VWA3B: variants seen among roughly 807,000 people sequenced by gnomAD.
VWA3B encodes von Willebrand factor A domain containing 3B.
In VWA3B, 138 loss-of-function variants were observed where a neutral mutation model predicts 158.3. That is an observed-to-expected ratio of 0.87 (90% CI 0.76 to 1.00). The LOEUF is 1.00. VWA3B is among the 50% of genes least tolerant of loss of function. VWA3B has a pLI of 0.00. For missense variants in VWA3B, 1,555 were observed against 1,565.1 expected (o/e 0.99, Z 0.11); for synonymous variants, 596 against 587.3 (o/e 1.01, Z -0.21).
chr2:98,238,597 T>G (rs1438156752), intron 19 of VWA3B, among the ~76,000 whole-genome samples: 1 of 151,790 alleles, frequency 6.6e-6, no homozygotes, highest in Admixed American at 6.6e-5. Flanking sequence ...TATGGTAGGA[T>G]AGGGAAGCAG....
At position 98,177,680 on chromosome 2, in the gene VWA3B, C is replaced by G. The variant is rs540653899; in HGVS notation, c.1115-3336C>G. Among the ~76,000 whole-genome samples the G allele has an allele frequency of 6.2e-4, 94 of 152,164 alleles. 1 individual carries two copies. Among genetic ancestry groups the G allele is most frequent in the Non-Finnish European group, 1.0e-3 (71 of 68,022 alleles). On this transcript the variant is annotated intron_variant, in intron 8 of 27. Coordinates refer to ENST00000477737, the MANE Select transcript of VWA3B (RefSeq NM_144992.5). ...AGGTGGCTCTGGCGGCTTGCCTGAA[C>G]CCCCTTTTCAGATGGTAATTGGGAG...
chr2:98,247,155 C>T (rs1302953808), intron 19 of VWA3B, among the ~76,000 whole-genome samples: 5 of 151,556 alleles, frequency 3.3e-5, no homozygotes, highest in African/African-American at 1.2e-4. Flanking sequence ...CCGCCACCTC[C>T]CCCAGCTAAT....
chr2:98,294,217 A>C (rs1689663335), intron 23 of VWA3B, among the ~76,000 whole-genome samples: 1 of 151,604 alleles, frequency 6.6e-6, no homozygotes, highest in Admixed American at 6.6e-5. Flanking sequence ...AAAAAAAAAA[A>C]AAAAAAAAAA....
chr2:98,309,119 G>C (rs1036551748), intron 26 of VWA3B, among the ~76,000 whole-genome samples: 6 of 144,324 alleles, frequency 4.2e-5, no homozygotes, highest in African/African-American at 1.6e-4. Context: ...GCCATGAGCC[G>C]AGATCACACC....
chr2:98,284,227 CT>C (rs1320964918), intron 22 of VWA3B, among the ~76,000 whole-genome samples: 2 of 152,326 alleles, frequency 1.3e-5, no homozygotes, highest in East Asian at 3.9e-4. Flanking sequence ...TGTAAGAGAC[CT>C]TAACCCCTCA....
intron 2 of VWA3B, 143 bp downstream of exon 2, chr2:98,093,431 C>A: frequency 1.4e-6 from 1 of 714,084 alleles, no homozygotes; most frequent in Non-Finnish European, 2.3e-6. Flanking sequence ...AATGCTTGCA[C>A]GTGTGCCCCC....
chr2:98,123,617 A>G lies in VWA3B; in HGVS notation c.702+2159A>G, dbSNP rs566288709. On this transcript the variant is annotated intron_variant, in intron 5 of 27. Coordinates refer to ENST00000477737, the MANE Select transcript of VWA3B (RefSeq NM_144992.5). ...AAAGAGCATGATTGATAGATGAATT[A>G]CTGTTGTGTCTCATGAAAAGGAACC... Among the ~76,000 whole-genome samples the G allele has an allele frequency of 6.0e-4, 91 of 152,298 alleles. 1 individual carries two copies. Among genetic ancestry groups the G allele is most frequent in the African/African-American group, 2.0e-3 (82 of 41,576 alleles).
At chr2:98,300,312 T>C (rs1690099213) in intron 25 of VWA3B, 96 bp downstream of exon 25, 1 of 1,512,046 alleles carries the variant, frequency 6.6e-7, no homozygotes. Flanking sequence ...TTTCCCTGGC[T>C]GCATCTGCTG....
intron 7 of VWA3B, among the ~76,000 whole-genome samples, chr2:98,146,774 T>C (rs1014556712): frequency 5.3e-5 from 8 of 152,226 alleles, no homozygotes; most frequent in African/African-American, 1.4e-4. Flanking sequence ...TTTTCCACTC[T>C]CATTTACCCT....
chr2:98,181,598 T>C (rs887516776), intron 9 of VWA3B, among the ~76,000 whole-genome samples: 2 of 152,206 alleles, frequency 1.3e-5, no homozygotes, highest in Admixed American at 6.5e-5. Flanking sequence ...GTGGTCCTCT[T>C]GTATTTTCCC....
At chr2:98,186,151 TC>T (rs1434232112) in intron 9 of VWA3B, among the ~76,000 whole-genome samples, 3 of 123,780 alleles carry the variant, frequency 2.4e-5, no homozygotes, top group Non-Finnish European at 4.8e-5. Context: ...GTTGGTCACT[TC>T]CTTGAATTTT....
At chr2:98,314,142 G>GA (rs1691035915), downstream of VWA3B, among the ~76,000 whole-genome samples, 2 of 152,318 alleles carry the variant, frequency 1.3e-5, no homozygotes, top group African/African-American at 4.8e-5. Flanking sequence ...TAGGGAGGGG[G>GA]AACCCAAACA....
At chr2:98,095,469 T>C (rs1682647411) in intron 2 of VWA3B, among the ~76,000 whole-genome samples, 1 of 152,366 alleles carries the variant, frequency 6.6e-6, no homozygotes, top group East Asian at 1.9e-4. Context: ...GTTGTTAATT[T>C]TGTAGTCTGC....
At chr2:98,108,774 G>A (rs1266989459) in intron 2 of VWA3B, among the ~76,000 whole-genome samples, 1 of 151,358 alleles carries the variant, frequency 6.6e-6, no homozygotes, top group Non-Finnish European at 1.5e-5. Context: ...ATATTGTTGA[G>A]TCTTTTTAAA....
chr2:98,139,329 G>A lies in VWA3B; in HGVS notation c.988+5390G>A, dbSNP rs552341805. 5.9e-5 allele frequency among the ~76,000 whole-genome samples: 9 copies of A among 152,316 alleles called. No individual in the cohort carries two copies. In the South Asian group the frequency reaches 8.3e-4, roughly 14 times the overall value. ...TGCAGCCCAAGCCTCCCCGACGAGC[G>A]CCACCCCCTGCTCCACGGTGCCCAG... On this transcript the variant is annotated intron_variant, in intron 7 of 27. Coordinates refer to ENST00000477737, the MANE Select transcript of VWA3B (RefSeq NM_144992.5).
intron 9 of VWA3B, among the ~76,000 whole-genome samples, chr2:98,187,600 G>A (rs1681190804): frequency 1.3e-5 from 2 of 151,920 alleles, no homozygotes; most frequent in Non-Finnish European, 2.9e-5. Flanking sequence ...GCCAGGGACT[G>A]AGTATCTAAT....
intron 14 of VWA3B, among the ~76,000 whole-genome samples, chr2:98,227,308 G>A (rs1243326960): frequency 6.6e-6 from 1 of 152,062 alleles, no homozygotes; most frequent in Non-Finnish European, 1.5e-5. Flanking sequence ...GCTATAAAGA[G>A]AATAAAATGC....
intron 1 of VWA3B, among the ~76,000 whole-genome samples, chr2:98,090,699 T>C (rs545150655): frequency 6.6e-6 from 1 of 152,260 alleles, no homozygotes; most frequent in East Asian, 1.9e-4. Context: ...TCAACATATG[T>C]GGACAATACA....
intron 12 of VWA3B, among the ~76,000 whole-genome samples, chr2:98,200,775 T>C (rs758609980): frequency 3.9e-5 from 6 of 152,348 alleles, no homozygotes; most frequent in Non-Finnish European, 7.3e-5. Context: ...GGTTTTCTCA[T>C]GTTTTCATCC....
Sources: gnomAD v4.1 joint callset for allele counts (sites outside exome capture counted in the v4.1 genomes callset) on GRCh38, gnomAD v4.1.1 for gene constraint, MANE v1.5 for transcripts, NCBI Gene and HGNC (gene_info 2026-07-23, HGNC 2026-07-21) for gene names.